AHCTF1: variants seen among roughly 807,000 people sequenced by gnomAD.
The protein encoded by AHCTF1 is AT-hook containing transcription factor 1.
AHCTF1 carries 24 observed loss-of-function variants against 248.4 expected under a neutral mutation model. The observed-to-expected ratio is 0.10, with a 90% CI of 0.07 to 0.14. The LOEUF (loss-of-function observed/expected upper bound fraction) is 0.14. Ranked by LOEUF, AHCTF1 falls within the 10% of genes least tolerant of loss-of-function variation. The pLI, the probability that AHCTF1 is intolerant of heterozygous loss-of-function variation, is 1.00. For synonymous variants in AHCTF1, 786 were observed against 929.8 expected (o/e 0.85, Z 2.81); for missense variants, 2,206 against 2,636.2 (o/e 0.84, Z 3.57).
Position 246,902,693 on chromosome 1 carries a change from C to G in AHCTF1, c.967-18G>C. 1.3e-6 allele frequency: 2 copies of G among 1,558,720 alleles called. No individual in the cohort carries two copies. Among genetic ancestry groups the G allele is most frequent in the Non-Finnish European group, 1.7e-6 (2 of 1,150,838 alleles). On this transcript the variant is annotated intron_variant, in intron 7 of 35. Transcript: ENST00000648844. The stretch of plus-strand genomic sequence containing the variant: ...TCTAACCCCTGTAACATAAAATACA[C>G]GCAAATATTAATCTGATTCTAGGCA...
At chr1:246,871,199 T>G (rs1338645349) in intron 24 of AHCTF1, among the ~76,000 whole-genome samples, 3 of 152,186 alleles carry the variant, frequency 2.0e-5, no homozygotes. Flanking sequence ...TGGTTACTAC[T>G]TGCCTATTAG....
At chr1:246,865,274 G>A (rs1661889049) in intron 26 of AHCTF1, 1 of 152,176 alleles carries the variant, frequency 6.6e-6, no homozygotes. Context: ...ACCAGAAAAG[G>A]AGAGTATGCT....
chr1:246,862,355 C>T (rs1277058747), intron 27 of AHCTF1, among the ~76,000 whole-genome samples: 1 of 152,018 alleles, frequency 6.6e-6, no homozygotes, highest in Non-Finnish European at 1.5e-5. Flanking sequence ...TGGCGGGCGC[C>T]TGTAGTCCCA....
Position 246,841,013 on chromosome 1 carries a change from T to A in AHCTF1, c.6609-15A>T. On this transcript the variant is annotated splice_polypyrimidine_tract_variant and intron_variant, in intron 35 of 35. Coordinates refer to ENST00000648844, the MANE Select transcript of AHCTF1 (RefSeq NM_001323342.2). ...TTTCTGTGTTTCTGAAAAAAAAAGA[T>A]ATGATCAAGTAAGAATAAACACATT... The A allele has an allele frequency of 6.3e-7, 1 of 1,584,196 alleles. No individual in the cohort carries two copies. The highest frequency in any genetic ancestry group is 8.6e-7 in the Non-Finnish European group (1 of 1,168,980).
chr1:246,863,086 T>C (rs1311615647), intron 27 of AHCTF1, among the ~76,000 whole-genome samples: 1 of 152,216 alleles, frequency 6.6e-6, no homozygotes, highest in African/African-American at 2.4e-5. Flanking sequence ...AACCTAGCTG[T>C]AGAGAATACA....
At chr1:246,910,373 T>C (rs1665715852) in intron 4 of AHCTF1, among the ~76,000 whole-genome samples, 1 of 152,200 alleles carries the variant, frequency 6.6e-6, no homozygotes. Flanking sequence ...AAAGATGCTT[T>C]GGATAATCAC....
rs145090622 is a variant in AHCTF1 at position 246,879,086 on chromosome 1, A to AT, written c.2661-1785dup. 2.2e-3 allele frequency among the ~76,000 whole-genome samples: 331 copies of AT among 152,332 alleles called. 2 individuals are homozygous for AT. The highest frequency in any genetic ancestry group is 7.6e-3 in the African/African-American group (317 of 41,574). On this transcript the variant is annotated intron_variant, in intron 21 of 35. Coordinates refer to ENST00000648844, the MANE Select transcript of AHCTF1 (RefSeq NM_001323342.2). Reference sequence around the variant, plus strand: ...ATTATTAAATCTCACAACAAGGTTGATTTCCCTAATGCATACAAAGCGGCT... The same window carrying AT: ...ATTATTAAATCTCACAACAAGGTTGATTTTCCCTAATGCATACAAAGCGGCT...
At chr1:246,884,937 T>C (rs1663707181) in intron 21 of AHCTF1, among the ~76,000 whole-genome samples, 1 of 152,192 alleles carries the variant, frequency 6.6e-6, no homozygotes, top group Non-Finnish European at 1.5e-5. Context: ...ATTTGTCAAC[T>C]CTATCACTTC....
intron 14 of AHCTF1, among the ~76,000 whole-genome samples, chr1:246,892,744 A>T (rs1472823329): frequency 6.6e-6 from 1 of 151,992 alleles, no homozygotes; most frequent in Non-Finnish European, 1.5e-5. Context: ...TGTTCCTCCT[A>T]GCTCAGCCTC....
At position 246,928,302 on chromosome 1, in the gene AHCTF1, CAA is replaced by C. The variant is rs35687457; in HGVS notation, c.-8+3274_-8+3275del. Among the ~76,000 whole-genome samples, 237 of 94,186 alleles carry C rather than the reference CAA, an allele frequency of 2.5e-3. 1 individual carries two copies. The highest frequency in any genetic ancestry group is 7.3e-3 in the East Asian group (23 of 3,168). The allele number at this position is 94,186 out of a possible 152,430, so 61.8% of individuals were successfully genotyped here. On this transcript the variant is annotated intron_variant, in intron 1 of 35. Transcript: ENST00000648844. Reference sequence around the variant, plus strand: ...TGGGCGACAGAGCGAGACTCCGTCTCAAAAAAAAAAAAAAAAAAAAATTACTT... The same window carrying C: ...TGGGCGACAGAGCGAGACTCCGTCTCAAAAAAAAAAAAAAAAAAATTACTT...
intron 14 of AHCTF1, 97 bp downstream of exon 14, chr1:246,894,562 A>T: frequency 9.8e-7 from 1 of 1,015,948 alleles, no homozygotes; most frequent in African/African-American, 1.6e-5. Flanking sequence ...AAGAGTTTAC[A>T]ACTTCAAAAT....
chr1:246,896,984 A>G (rs1664627396), intron 12 of AHCTF1, among the ~76,000 whole-genome samples: 1 of 152,190 alleles, frequency 6.6e-6, no homozygotes, highest in Non-Finnish European at 1.5e-5. Context: ...ATTATTACCT[A>G]TAGTTTATAG....
chr1:246,900,318 G>GA lies in AHCTF1; in HGVS notation c.1250+18dup, dbSNP rs756531391. 1.8e-4 allele frequency: 283 copies of GA among 1,565,532 alleles called. No homozygotes were observed. Among genetic ancestry groups the GA allele is most frequent in the African/African-American group, 6.6e-4 (47 of 71,438 alleles). Reference sequence around the variant, plus strand: ...TACAAATACAAAGAGAAAGGAGAGAGAAAAAAAAAGAATCATACCTTAACG... The same window carrying GA: ...TACAAATACAAAGAGAAAGGAGAGAGAAAAAAAAAAGAATCATACCTTAACG... On this transcript the variant is annotated intron_variant, in intron 9 of 35. Coordinates refer to ENST00000648844, the MANE Select transcript of AHCTF1 (RefSeq NM_001323342.2).
At chr1:246,867,557 A>G in intron 25 of AHCTF1, 104 bp downstream of exon 25, 1 of 1,399,432 alleles carries the variant, frequency 7.1e-7, no homozygotes, top group Non-Finnish European at 9.8e-7. Flanking sequence ...TTTTTTACAT[A>G]CACTAATAAA....
At chr1:246,931,473 G>A (rs568054756) in intron 1 of AHCTF1, 105 bp downstream of exon 1, 12 of 911,516 alleles carry the variant, frequency 1.3e-5, no homozygotes, top group South Asian at 1.0e-4. Context: ...TCGCGGGGCA[G>A]AAGCCCCGCC....
At chr1:246,894,859 C>T in intron 13 of AHCTF1, 111 bp from the exon 14 acceptor site, 1 of 853,014 alleles carries the variant, frequency 1.2e-6, no homozygotes, top group Non-Finnish European at 1.9e-6. Context: ...TGAACATCAA[C>T]ACTTCAGGGA....
intron 21 of AHCTF1, among the ~76,000 whole-genome samples, chr1:246,881,627 A>C (rs957154409): frequency 6.6e-6 from 1 of 151,986 alleles, no homozygotes; most frequent in South Asian, 2.1e-4. Context: ...ACCTGAGGTC[A>C]GGAGTTCAAG....
Position 246,885,669 on chromosome 1 carries a change from A to T in AHCTF1, c.2484T>A (p.Asp828Glu). 6.2e-7 allele frequency: 1 copy of T among 1,610,338 alleles called. No individual in the cohort carries two copies. Among genetic ancestry groups the T allele is most frequent in the Non-Finnish European group, 8.5e-7 (1 of 1,177,866 alleles). The change falls in exon 21 of 36, where the codon GAT becomes GAA. Residue 828 changes from aspartate (D) to glutamate (E), a missense_variant. Transcript: ENST00000648844. ...TTGCAGTAGCTGGATGAAACAAAAG[A>T]TCCAAACCACTCTGGAAATAACATG... ...IDHNDYESGL[D>E]LLFHPATAKP...
rs954424720 is a variant in AHCTF1 at position 246,922,727 on chromosome 1, A to C, written c.-7-4350T>G. The stretch of plus-strand genomic sequence containing the variant: ...GCTGGGCGCAGTGGCTCACGCCTGT[A>C]ATCCCAGCACTTTGGGAGGCCAAGG... On this transcript the variant is annotated intron_variant, in intron 1 of 35. Coordinates refer to ENST00000648844, the MANE Select transcript of AHCTF1 (RefSeq NM_001323342.2). 1.7e-4 allele frequency among the ~76,000 whole-genome samples: 25 copies of C among 151,284 alleles called. 1 individual carries two copies. The highest frequency in any genetic ancestry group is 2.9e-5 in the Non-Finnish European group (2 of 67,820).
Sources: allele counts gnomAD v4.1 joint callset (sites outside exome capture counted in the v4.1 genomes callset), GRCh38; gene constraint gnomAD v4.1.1; transcripts MANE v1.5; gene names NCBI Gene and HGNC (gene_info 2026-07-23, HGNC 2026-07-21).